Variants in KMT2C observed in about 807,000 individuals in gnomAD.
The protein encoded by KMT2C is lysine methyltransferase 2C, also known as histone-lysine N-methyltransferase 2C.
Under a neutral mutation model 507.9 loss-of-function variants are expected in KMT2C, and 88 were observed. That is an observed-to-expected ratio of 0.17 (90% CI 0.15 to 0.21). The LOEUF is 0.21. Among genes scored for constraint, KMT2C ranks in the 10% least tolerant of loss-of-function variants. The pLI is 1.00. For synonymous variants in KMT2C, 2,049 were observed against 2,080.8 expected (o/e 0.98, Z 0.42); for missense variants, 4,954 against 5,957.8 (o/e 0.83, Z 5.55).
chr7:152,141,488 T>C (rs1396582261), intron 55 of KMT2C, among the ~76,000 whole-genome samples: 7 of 148,176 alleles, frequency 4.7e-5, no homozygotes, highest in African/African-American at 1.8e-4. Context: ...GGTGGGCGGG[T>C]CACAAGGTCA....
intron 37 of KMT2C, among the ~76,000 whole-genome samples, chr7:152,179,103 G>C (rs2093335942): frequency 6.6e-6 from 1 of 152,156 alleles, no homozygotes; most frequent in Admixed American, 6.5e-5. Context: ...TGATCCTTTT[G>C]TCTCAGCCTC....
chr7:152,209,260 T>A (rs2094393858), intron 23 of KMT2C, among the ~76,000 whole-genome samples: 1 of 151,214 alleles, frequency 6.6e-6, no homozygotes, highest in Admixed American at 6.6e-5. Flanking sequence ...ATCGAGACCA[T>A]CCTGGCTAAC....
At chr7:152,244,864 A>G (rs1387769155) in intron 14 of KMT2C, among the ~76,000 whole-genome samples, 3 of 152,210 alleles carry the variant, frequency 2.0e-5, no homozygotes, top group Non-Finnish European at 4.4e-5. Context: ...TAAGCATCAT[A>G]TTTCTCACTA....
intron 9 of KMT2C, among the ~76,000 whole-genome samples, chr7:152,253,244 G>A (rs2095590213): frequency 6.6e-6 from 1 of 151,902 alleles, no homozygotes; most frequent in East Asian, 1.9e-4. Flanking sequence ...ATTTAAATAA[G>A]GGAATGGGGA....
rs2129231473 is a variant in KMT2C at position 152,358,637 on chromosome 7, T to A, written c.200A>T (p.Asp67Val). Residue 67 changes from aspartate (D) to valine (V), a missense_variant, in exon 2 of 59, where the codon GAC (aspartate) becomes GTC (valine). Coordinates refer to ENST00000262189, the MANE Select transcript of KMT2C (RefSeq NM_170606.3). The stretch of plus-strand genomic sequence containing the variant: ...TGTTGTCTCCAGCCCATCCATGCTG[T>A]CCTCATCTTCCACTGCAGTTTTCCC... ...SRGKTAVEDE[D>V]SMDGLETTET... The A allele has an allele frequency of 6.2e-7, 1 of 1,609,226 alleles. No homozygotes were observed. Among genetic ancestry groups the A allele is most frequent in the Non-Finnish European group, 8.5e-7 (1 of 1,176,726 alleles).
At chr7:152,422,370 G>A (rs937085812) in intron 1 of KMT2C, among the ~76,000 whole-genome samples, 1 of 151,480 alleles carries the variant, frequency 6.6e-6, no homozygotes, top group East Asian at 1.9e-4. Context: ...CACGAGAATC[G>A]CTTGAACCCA....
chr7:152,226,291 G>A (rs2094931281), intron 18 of KMT2C, among the ~76,000 whole-genome samples: 1 of 138,372 alleles, frequency 7.2e-6, no homozygotes, highest in South Asian at 2.3e-4. Context: ...GGAGTGCAGT[G>A]GTGTGATCTC....
At chr7:152,183,960 T>A (rs1415337404) in intron 34 of KMT2C, among the ~76,000 whole-genome samples, 2 of 149,682 alleles carry the variant, frequency 1.3e-5, no homozygotes, top group Non-Finnish European at 3.0e-5. Flanking sequence ...TAATCCCAGC[T>A]ACTTGGGAGG....
At chr7:152,313,553 GA>G (rs900270301) in intron 4 of KMT2C, among the ~76,000 whole-genome samples, 2 of 151,892 alleles carry the variant, frequency 1.3e-5, no homozygotes, top group African/African-American at 4.8e-5. Flanking sequence ...ACAAAAAAAG[GA>G]AAAAAATTCT....
intron 2 of KMT2C, among the ~76,000 whole-genome samples, chr7:152,343,379 A>C (rs2097017952): frequency 6.6e-6 from 1 of 151,892 alleles, no homozygotes; most frequent in Admixed American, 6.6e-5. Flanking sequence ...ACAGCTGAGG[A>C]AACAATCTCA....
At chr7:152,413,020 T>C (rs2097698594) in intron 1 of KMT2C, among the ~76,000 whole-genome samples, 1 of 152,176 alleles carries the variant, frequency 6.6e-6, no homozygotes, top group African/African-American at 2.4e-5. Flanking sequence ...GACTGTACAG[T>C]TCATGCTTGT....
chr7:152,178,015 T>TTAAAAAAAAAA lies in KMT2C; in HGVS notation c.7443-6_7443-5insTTTTTTTTTTA, dbSNP rs1491309235. On this transcript the variant is annotated splice_polypyrimidine_tract_variant and splice_region_variant and intron_variant, in intron 37 of 58. Coordinates refer to ENST00000262189, the MANE Select transcript of KMT2C (RefSeq NM_170606.3). ...CTACCTCCTGGAAATCCAAATCTTT[T>TTAAAAAAAAAA]AAAAAAAAAAAAAAAAAAAAAAAAA... 4.5e-4 allele frequency: 367 copies of TTAAAAAAAAAA among 810,720 alleles called. 10 individuals are homozygous for TTAAAAAAAAAA. Among genetic ancestry groups the TTAAAAAAAAAA allele is most frequent in the African/African-American group, 1.7e-3 (56 of 32,426 alleles). 50.2% of individuals were successfully genotyped at this position (810,720 alleles called of 1,614,324 possible). A position where few individuals can be genotyped will look rare whatever the true frequency, so the allele number is the denominator to read the frequency against.
chr7:152,201,212 G>T (rs761167572), intron 26 of KMT2C, among the ~76,000 whole-genome samples: 1 of 151,452 alleles, frequency 6.6e-6, no homozygotes, highest in South Asian at 2.1e-4. Flanking sequence ...ACATAAAGAG[G>T]GGGCTCCATC....
chr7:152,340,357 G>A (rs1032987498), intron 2 of KMT2C, among the ~76,000 whole-genome samples: 4 of 152,100 alleles, frequency 2.6e-5, no homozygotes, highest in Admixed American at 6.5e-5. Flanking sequence ...TACTTTTCAT[G>A]CTTGCTTCCT....
At chr7:152,211,277 G>A (rs1265827411) in intron 23 of KMT2C, among the ~76,000 whole-genome samples, 2 of 152,142 alleles carry the variant, frequency 1.3e-5, no homozygotes, top group African/African-American at 2.4e-5. Context: ...AGTCAGGTAG[G>A]AAGGTAAAAT....
Position 152,195,996 on chromosome 7 carries a change from G to C in KMT2C, c.4289C>G (p.Pro1430Arg). 4 of 1,599,990 alleles carry C rather than the reference G, an allele frequency of 2.5e-6. No homozygotes were observed. The highest frequency in any genetic ancestry group is 3.4e-6 in the Non-Finnish European group (4 of 1,169,476). Residue 1430 changes from proline to arginine, a missense_variant, in exon 28 of 59, where the codon CCA (proline) becomes CGA (arginine). Around this residue, in one of 29 missense-constraint regions of KMT2C, gnomAD observed 140 missense variants for 118.4 expected, o/e 1.18. Transcript: ENST00000262189. ...KSGTHGPADDPLADISEVLNT... is the reference protein window; with the variant it reads ...KSGTHGPADDRLADISEVLNT... ...TAAAACTTCAGAAATATCAGCTAAT[G>C]GGTCATCAGCAGGACCTAAATATAG...
Position 152,250,842 on chromosome 7 carries a change from A to C in KMT2C, c.1735+11T>G, listed in dbSNP as rs1314781740. ...CTTCAAAAACAGAGTATATCCATTA[A>C]ACATTCTTACCATCTGGAACAATTC... On this transcript the variant is annotated intron_variant, in intron 12 of 58. Coordinates refer to ENST00000262189, the MANE Select transcript of KMT2C (RefSeq NM_170606.3). The C allele has an allele frequency of 2.9e-6, 4 of 1,382,304 alleles. No individual in the cohort carries two copies. In the Admixed American group the frequency reaches 6.8e-5, roughly 24 times the overall value. 85.6% of individuals were successfully genotyped at this position (1,382,304 alleles called of 1,614,324 possible).
At chr7:152,381,803 T>C (rs1436650032) in intron 1 of KMT2C, among the ~76,000 whole-genome samples, 6 of 152,240 alleles carry the variant, frequency 3.9e-5, no homozygotes, top group Non-Finnish European at 7.3e-5. Context: ...TGATTATTCC[T>C]TTTATTTTGG....
At chr7:152,140,708 A>AG (rs796348413) in intron 55 of KMT2C, among the ~76,000 whole-genome samples, 15 of 152,308 alleles carry the variant, frequency 9.8e-5, no homozygotes, top group African/African-American at 3.4e-4. Context: ...CGGAATTACT[A>AG]GGAGGACCAT....
Sources: gnomAD v4.1 joint callset for allele counts (sites outside exome capture counted in the v4.1 genomes callset) on GRCh38, gnomAD v4.1.1 for gene constraint, gnomAD v4.1.1 regional missense constraint, MANE v1.5 for transcripts, NCBI Gene and HGNC (gene_info 2026-07-23, HGNC 2026-07-21) for gene names.